Variants in JADE3 observed in about 807,000 individuals in gnomAD.
JADE3 encodes protein Jade-3.
Under a neutral mutation model 50.1 loss-of-function variants are expected in JADE3, and 2 were observed. That is an observed-to-expected ratio of 0.04 (90% confidence interval 0.02 to 0.13). The LOEUF is 0.13. JADE3 is among the 10% of genes least tolerant of loss of function. JADE3 has a pLI of 1.00. For missense variants in JADE3, 475 were observed against 634.4 expected, an observed-to-expected ratio of 0.75 and a Z score of 2.70; for synonymous variants, 218 against 232.9, an observed-to-expected ratio of 0.94 and a Z score of 0.58.
intron 1 of JADE3, among the ~76,000 whole-genome samples, chrX:46,978,059 T>C (rs1556351994): frequency 8.9e-6 from 1 of 111,821 alleles, no homozygotes; most frequent in Non-Finnish European, 1.9e-5. Flanking sequence ...TGTGACACAG[T>C]CCCTGCTTTC....
intron 4 of JADE3, among the ~76,000 whole-genome samples, chrX:47,004,257 G>GGTA (rs1279354976): frequency 9.0e-6 from 1 of 111,071 alleles, no homozygotes; most frequent in Non-Finnish European, 1.9e-5. Flanking sequence ...ATTGTATCAG[G>GGTA]GTAGTACTGG....
intron 1 of JADE3, among the ~76,000 whole-genome samples, chrX:46,935,715 A>C (rs782362351): frequency 1.4e-4 from 15 of 110,920 alleles, no homozygotes; most frequent in African/African-American, 4.0e-4. Flanking sequence ...CCCTGGTGCC[A>C]AAAAGGTTGG....
intron 1 of JADE3, among the ~76,000 whole-genome samples, chrX:46,949,571 C>G (rs1451009853): frequency 9.0e-6 from 1 of 111,642 alleles, no homozygotes; most frequent in Non-Finnish European, 1.9e-5. Flanking sequence ...CCTTATTTCT[C>G]TTTTATTGAG....
rs965634292 is a variant in JADE3, at chrX:47,034,282, A to G, written c.855+494A>G. Among the ~76,000 whole-genome samples, 4 of 111,116 alleles carry G rather than the reference A, an allele frequency of 3.6e-5. No homozygotes were observed. The East Asian group carries it at 1.1e-3, about 31-fold the overall frequency. The stretch of plus-strand genomic sequence containing the variant: ...AATAGACATAAAGCACCCCAGAAAG[A>G]TCCTCTATACCCACTTTCCAGTCTC... On this transcript the variant is annotated intron_variant, in intron 7 of 10. Coordinates refer to ENST00000614628, the MANE Select transcript of JADE3 (RefSeq NM_014735.5).
chrX:47,017,368 A>T (rs782418876), intron 4 of JADE3, among the ~76,000 whole-genome samples: 1 of 112,297 alleles, frequency 8.9e-6, no homozygotes, highest in African/African-American at 3.2e-5. Context: ...ATTAACAGTG[A>T]GCTTCAGATA....
At chrX:47,015,720 C>CTTTT (rs1170777560) in intron 4 of JADE3, among the ~76,000 whole-genome samples, 2 of 84,080 alleles carry the variant, frequency 2.4e-5, no homozygotes, top group Non-Finnish European at 4.4e-5. Flanking sequence ...GTCTCAGCAT[C>CTTTT]TTTTTTTTTT....
At chrX:46,971,790 C>T (rs1274342772) in intron 1 of JADE3, among the ~76,000 whole-genome samples, 9 of 102,854 alleles carry the variant, frequency 8.8e-5, no homozygotes, top group South Asian at 4.7e-4. Context: ...AGCGAGACTC[C>T]GTCTAAAAAA....
chrX:46,940,282 A>G (rs1926726140), intron 1 of JADE3, among the ~76,000 whole-genome samples: 3 of 112,248 alleles, frequency 2.7e-5, no homozygotes, highest in Admixed American at 9.5e-5. Flanking sequence ...TATCAGTCCT[A>G]CAGCAATATT....
Position 47,059,305 on chromosome X carries a change from G to A in JADE3, c.*228G>A. On this transcript the variant is annotated 3_prime_UTR_variant, in exon 11 of 11. Coordinates refer to ENST00000614628, the MANE Select transcript of JADE3 (RefSeq NM_014735.5). ...GAGGTTGGTTTGTCAGAGGCTATTG[G>A]GAACAGCTGGGCCCAGGGTATTTGC... 2.8e-6 allele frequency: 1 copy of A among 361,121 alleles called. No individual in the cohort carries two copies. Among genetic ancestry groups the A allele is most frequent in the Non-Finnish European group, 4.7e-6 (1 of 210,552 alleles). 29.8% of individuals were successfully genotyped at this position (361,121 alleles called of 1,213,427 possible).
intron 4 of JADE3, among the ~76,000 whole-genome samples, chrX:47,022,199 G>A (rs1359212003): frequency 3.6e-5 from 4 of 112,158 alleles, no homozygotes; most frequent in African/African-American, 1.3e-4. Context: ...TCTAGGCCAT[G>A]CACTAAAGAA....
At chrX:46,923,114 G>A (rs1926260870) in intron 1 of JADE3, among the ~76,000 whole-genome samples, 2 of 110,019 alleles carry the variant, frequency 1.8e-5, no homozygotes, top group Admixed American at 9.7e-5. Flanking sequence ...CTGGGCTCAA[G>A]CTATCCTCCC....
intron 4 of JADE3, among the ~76,000 whole-genome samples, chrX:47,004,754 A>C (rs965672239): frequency 2.0e-4 from 22 of 112,245 alleles, no homozygotes; most frequent in African/African-American, 6.8e-4. Context: ...TTTAATAGAT[A>C]ATTTGAATAG....
chrX:46,962,719 T>A, intron 1 of JADE3, among the ~76,000 whole-genome samples: 1 of 112,191 alleles, frequency 8.9e-6, no homozygotes. Flanking sequence ...ATTTTTTGCT[T>A]ATTTTTGTTC....
intron 1 of JADE3, among the ~76,000 whole-genome samples, chrX:46,958,402 C>G (rs1556347004): frequency 9.0e-6 from 1 of 111,416 alleles, no homozygotes. Flanking sequence ...GTCAATAACC[C>G]TAAATTCATC....
intron 1 of JADE3, among the ~76,000 whole-genome samples, chrX:46,955,123 CCTCA>C (rs1433095046): frequency 8.9e-6 from 1 of 112,629 alleles, no homozygotes; most frequent in African/African-American, 3.2e-5. Flanking sequence ...TGAGTTTTTA[CCTCA>C]CTATCTTTAT....
intron 7 of JADE3, among the ~76,000 whole-genome samples, chrX:47,035,933 AG>A (rs1481508149): frequency 9.0e-6 from 1 of 111,310 alleles, no homozygotes; most frequent in African/African-American, 3.3e-5. Context: ...ACTTGAGTCC[AG>A]GAGTTTGAGA....
chrX:46,954,727 A>G (rs911798366), intron 1 of JADE3, among the ~76,000 whole-genome samples: 3 of 110,484 alleles, frequency 2.7e-5, no homozygotes, highest in Non-Finnish European at 5.7e-5. Flanking sequence ...GCTAATTTTT[A>G]TATTTTTAAT....
intron 8 of JADE3, among the ~76,000 whole-genome samples, chrX:47,048,390 C>T (rs782801309): frequency 8.9e-6 from 1 of 112,063 alleles, no homozygotes; most frequent in South Asian, 3.7e-4. Flanking sequence ...ACAAAAACTG[C>T]TGCATGAATT....
At position 46,912,559 on chromosome X, in the gene JADE3, G is replaced by A. The variant is rs1276985796; in HGVS notation, c.-172G>A. The A allele has an allele frequency of 1.7e-4, 19 of 111,258 alleles. No homozygotes were observed. The highest frequency in any genetic ancestry group is 1.9e-4 in the Admixed American group (2 of 10,702). 9.2% of individuals were successfully genotyped at this position (111,258 alleles called of 1,213,427 possible). A position where few individuals can be genotyped will look rare whatever the true frequency, so the allele number is the denominator to read the frequency against. ...CTGAGGCGCGGGGGGCGGCCCCGGC[G>A]GGGGGCGGGGGCGAGGAGGGGATTA... On this transcript the variant is annotated 5_prime_UTR_variant, in exon 1 of 11. Coordinates refer to ENST00000614628, the MANE Select transcript of JADE3 (RefSeq NM_014735.5).
Sources: gnomAD v4.1 joint callset for allele counts (sites outside exome capture counted in the v4.1 genomes callset) on GRCh38, gnomAD v4.1.1 for gene constraint, MANE v1.5 for transcripts, NCBI Gene and HGNC (gene_info 2026-07-23, HGNC 2026-07-21) for gene names.